Variants in TRAPPC8 observed in about 807,000 individuals in gnomAD.
TRAPPC8 encodes general sporulation gene 1 homolog.
Under a neutral mutation model 174.3 loss-of-function variants are expected in TRAPPC8, and 54 were observed. The observed-to-expected ratio is 0.31, with a 90% CI of 0.25 to 0.39. TRAPPC8 has a LOEUF of 0.39. Ranked by LOEUF, TRAPPC8 falls within the 10% of genes least tolerant of loss-of-function variation. The pLI is 1.00. For missense variants in TRAPPC8, 1,531 were observed against 1,699.1 expected (o/e 0.90, Z 1.74); for synonymous variants, 630 against 579.9 (o/e 1.09, Z -1.24).
intron 10 of TRAPPC8, 52 bp from the exon 11 acceptor site, chr18:31,897,943 T>A (rs756508087): frequency 2.7e-5 from 40 of 1,466,530 alleles, no homozygotes; most frequent in Middle Eastern, 3.9e-4. Flanking sequence ...CCTTAGCACA[T>A]CAAAGTAAAT....
intron 21 of TRAPPC8, among the ~76,000 whole-genome samples, chr18:31,854,462 T>C (rs866368489): frequency 6.6e-6 from 1 of 152,174 alleles, no homozygotes; most frequent in South Asian, 2.1e-4. Flanking sequence ...TTCTCACTCT[T>C]ACTATAAAAA....
chr18:31,856,691 TCA>T (rs1476114387), intron 20 of TRAPPC8, among the ~76,000 whole-genome samples: 1 of 152,160 alleles, frequency 6.6e-6, no homozygotes, highest in African/African-American at 2.4e-5. Context: ...CTAACTACAT[TCA>T]GTTTGTGTTC....
At chr18:31,862,235 T>C (rs1249544389) in intron 19 of TRAPPC8, among the ~76,000 whole-genome samples, 1 of 151,872 alleles carries the variant, frequency 6.6e-6, no homozygotes, top group East Asian at 1.9e-4. Flanking sequence ...GCAATTCTAA[T>C]CAAAATTATT....
intron 2 of TRAPPC8, among the ~76,000 whole-genome samples, chr18:31,923,596 T>G (rs1457951792): frequency 6.6e-6 from 1 of 152,134 alleles, no homozygotes; most frequent in South Asian, 2.1e-4. Context: ...ATGGATAAAA[T>G]CACTTTTCTA....
chr18:31,831,697 C>T (rs1319656162), intron 28 of TRAPPC8, among the ~76,000 whole-genome samples: 1 of 152,074 alleles, frequency 6.6e-6, no homozygotes, highest in Non-Finnish European at 1.5e-5. Flanking sequence ...CACAAAATCA[C>T]ATATATAGGT....
intron 26 of TRAPPC8, 138 bp from the exon 27 acceptor site, chr18:31,839,595 C>CT: frequency 1.5e-6 from 1 of 658,610 alleles, no homozygotes; most frequent in Non-Finnish European, 2.3e-6. Flanking sequence ...TGCTGTTAAG[C>CT]TAATAGCTGC....
At chr18:31,913,908 A>G (rs75488069) in intron 4 of TRAPPC8, among the ~76,000 whole-genome samples, 13,414 of 152,184 alleles carry the variant, frequency 0.088, 842 homozygotes, top group East Asian at 0.33. Context: ...CGTGGTGGCC[A>G]TAATCCCAGC....
At chr18:31,903,113 C>CGTGT (rs1471410754) in intron 9 of TRAPPC8, among the ~76,000 whole-genome samples, 1 of 90,350 alleles carries the variant, frequency 1.1e-5, no homozygotes, top group African/African-American at 3.8e-5. Flanking sequence ...TGCGCGCGTG[C>CGTGT]GTGCGTGCGT....
At chr18:31,934,163 G>A (rs1332344497) in intron 1 of TRAPPC8, among the ~76,000 whole-genome samples, 1 of 151,840 alleles carries the variant, frequency 6.6e-6, no homozygotes. Flanking sequence ...ACTCCAGCCT[G>A]GGCGACAGAG....
chr18:31,910,674 C>T (rs1005424556), intron 5 of TRAPPC8, among the ~76,000 whole-genome samples: 1 of 152,190 alleles, frequency 6.6e-6, no homozygotes, highest in Non-Finnish European at 1.5e-5. Flanking sequence ...TGTCAACAGA[C>T]GCAGTCATTC....
chr18:31,877,301 G>T (rs1212040515), intron 12 of TRAPPC8, among the ~76,000 whole-genome samples: 3 of 152,094 alleles, frequency 2.0e-5, no homozygotes, highest in Non-Finnish European at 4.4e-5. Flanking sequence ...TGCTTTTTGT[G>T]GTGGCTCCAT....
At chr18:31,899,985 A>T (rs2036347177) in intron 10 of TRAPPC8, among the ~76,000 whole-genome samples, 1 of 151,530 alleles carries the variant, frequency 6.6e-6, no homozygotes. Flanking sequence ...TGCCTGTAAT[A>T]CCAGCACTTT....
chr18:31,880,126 T>A (rs1372851413), intron 12 of TRAPPC8, among the ~76,000 whole-genome samples: 259 of 120,630 alleles, frequency 2.1e-3, no homozygotes, highest in South Asian at 6.9e-3. Context: ...TATATATTTT[T>A]TTTTTTTTAA....
chr18:31,934,933 G>A (rs2038014591), intron 1 of TRAPPC8, among the ~76,000 whole-genome samples: 1 of 147,186 alleles, frequency 6.8e-6, no homozygotes, highest in Non-Finnish European at 1.5e-5. Context: ...CTGGGCAACA[G>A]AGAGAGGCTC....
rs113306306 is a variant in TRAPPC8, at chr18:31,906,175, GAAA to G, written c.1389+1282_1389+1284del. On this transcript the variant is annotated intron_variant, in intron 9 of 28. Coordinates refer to ENST00000283351, the MANE Select transcript of TRAPPC8 (RefSeq NM_014939.5). ...GAAACCCTGTCTATACTAAAAATAC[GAAA>G]AAAAAAAAAAAAATTAGATGGGTAT... Among the ~76,000 whole-genome samples the G allele has an allele frequency of 1.7e-4, 22 of 131,642 alleles. No homozygotes were observed. The South Asian group carries it at 3.9e-3, about 24-fold the overall frequency. The allele number at this position is 131,642 out of a possible 152,430, so 86.4% of individuals were successfully genotyped here. A position where few individuals can be genotyped will look rare whatever the true frequency, so the allele number is the denominator to read the frequency against.
chr18:31,856,126 A>G (rs762768484), intron 20 of TRAPPC8, among the ~76,000 whole-genome samples: 4 of 151,228 alleles, frequency 2.6e-5, no homozygotes, highest in Admixed American at 6.6e-5. Flanking sequence ...TTTTTTTGAG[A>G]CAGAGTCTTG....
chr18:31,909,233 G>A (rs976817463), intron 6 of TRAPPC8, among the ~76,000 whole-genome samples: 3 of 151,552 alleles, frequency 2.0e-5, no homozygotes, highest in Non-Finnish European at 4.4e-5. Context: ...TTTGAAAATC[G>A]GTATAAACCA....
chr18:31,867,412 T>C lies in TRAPPC8; in HGVS notation c.2453A>G (p.Glu818Gly). ...TGATAAAATAATTACCACTTTTGAT[T>C]CTTCGCCATTAATTAAGAACTCTGA... Reference protein sequence around the residue: ...VISEFLINGEESKVARLKLFP... With the variant: ...VISEFLINGEGSKVARLKLFP... Residue 818 changes from glutamate to glycine, a missense_variant, in exon 17 of 29, where the codon GAA becomes GGA. By Grantham distance (98) the Glu-to-Gly change is moderately conservative. Coordinates refer to ENST00000283351, the MANE Select transcript of TRAPPC8 (RefSeq NM_014939.5). The C allele has an allele frequency of 1.2e-6, 2 of 1,606,882 alleles. No homozygotes were observed. Among genetic ancestry groups the C allele is most frequent in the Non-Finnish European group, 1.7e-6 (2 of 1,174,274 alleles).
chr18:31,921,891 C>T (rs2037406542), intron 2 of TRAPPC8, among the ~76,000 whole-genome samples: 1 of 152,102 alleles, frequency 6.6e-6, no homozygotes, highest in Non-Finnish European at 1.5e-5. Context: ...TTCTTATTGC[C>T]TGAAAATTGA....
Sources: allele counts gnomAD v4.1 joint callset (sites outside exome capture counted in the v4.1 genomes callset), GRCh38; gene constraint gnomAD v4.1.1; transcripts MANE v1.5; gene names NCBI Gene and HGNC (gene_info 2026-07-23, HGNC 2026-07-21).